Variants in KCNK2 observed in about 807,000 individuals in gnomAD.
KCNK2 encodes the protein potassium two pore domain channel subfamily K member 2, also known as potassium channel subfamily K member 2.
In KCNK2, 21 loss-of-function variants were observed where a neutral mutation model predicts 40.5. The observed-to-expected ratio is 0.52, with a 90% CI of 0.37 to 0.75. KCNK2 has a LOEUF of 0.75. Ranked by LOEUF, KCNK2 falls within the 30% of genes least tolerant of loss-of-function variation. The pLI is 0.00. For synonymous variants in KCNK2, 191 were observed against 202.2 expected (o/e 0.94, Z 0.47); for missense variants, 399 against 531.6 (o/e 0.75, Z 2.45).
Position 215,087,512 on chromosome 1 carries a change from G to A in KCNK2, c.357+834G>A, listed in dbSNP as rs575587890. 2.6e-5 allele frequency among the ~76,000 whole-genome samples: 4 copies of A among 152,246 alleles called. No individual in the cohort carries two copies. In the East Asian group the frequency reaches 7.7e-4, roughly 29 times the overall value. ...TTTCTTTTGCATAAAACAATTCATT[G>A]GTCAAATCGGGATCTTAGTGAAGAA... On this transcript the variant is annotated intron_variant, in intron 2 of 6. Coordinates refer to ENST00000444842, the MANE Select transcript of KCNK2 (RefSeq NM_001017425.3).
intron 1 of KCNK2, among the ~76,000 whole-genome samples, chr1:215,013,249 T>C (rs1431955632): frequency 6.6e-6 from 1 of 152,212 alleles, no homozygotes; most frequent in Non-Finnish European, 1.5e-5. Flanking sequence ...ATTATCCTTT[T>C]TGTATCAAAT....
intron 1 of KCNK2, among the ~76,000 whole-genome samples, chr1:215,056,520 A>AAAG (rs543626040): frequency 3.6e-5 from 5 of 138,486 alleles, no homozygotes; most frequent in South Asian, 2.2e-4. Context: ...AAAAAAAAAA[A>AAAG]AAGAAGAAGA....
chr1:215,083,194 T>TCCCCCCCTCCG lies in KCNK2; in HGVS notation c.-185_-184insTCCGCCCCCCC. 2.0e-6 allele frequency: 1 copy of TCCCCCCCTCCG among 501,814 alleles called. No individual in the cohort carries two copies. Among genetic ancestry groups the TCCCCCCCTCCG allele is most frequent in the Non-Finnish European group, 3.3e-6 (1 of 301,554 alleles). The allele number at this position is 501,814 out of a possible 1,614,324, so 31.1% of individuals were successfully genotyped here. On this transcript the variant is annotated 5_prime_UTR_variant, in exon 1 of 7. Transcript: ENST00000444842. ...CCCGCGATTTCGTTTCTTCTCACGC[T>TCCCCCCCTCCG]CCCCCCCCCGCCCCCTCCCGCGTCC...
At chr1:215,209,423 A>AAC (rs1665494971) in intron 6 of KCNK2, among the ~76,000 whole-genome samples, 4 of 47,704 alleles carry the variant, frequency 8.4e-5, no homozygotes, top group Middle Eastern at 0.02. Context: ...ATTATATATA[A>AAC]TATATATAAT....
upstream of KCNK2, among the ~76,000 whole-genome samples, chr1:215,077,789 C>A (rs535726618): frequency 6.6e-6 from 1 of 152,184 alleles, no homozygotes; most frequent in African/African-American, 2.4e-5. Context: ...CCCTTTCCAC[C>A]CTTGCTCATC....
At chr1:215,134,285 C>T (rs1473747896) in intron 3 of KCNK2, among the ~76,000 whole-genome samples, 1 of 152,134 alleles carries the variant, frequency 6.6e-6, no homozygotes, top group Non-Finnish European at 1.5e-5. Context: ...GTGAAGGGCT[C>T]AGTCCCGCAA....
intron 1 of KCNK2, among the ~76,000 whole-genome samples, chr1:215,010,485 T>G (rs1486918359): frequency 6.6e-6 from 1 of 152,176 alleles, no homozygotes; most frequent in Admixed American, 6.5e-5. Flanking sequence ...TGTGCATAGC[T>G]CAGACTGTGT....
intron 1 of KCNK2, among the ~76,000 whole-genome samples, chr1:215,063,903 CA>C (rs1402943140): frequency 6.6e-6 from 1 of 152,148 alleles, no homozygotes; most frequent in African/African-American, 2.4e-5. Flanking sequence ...CCAAAATTAA[CA>C]GCTGGTTAGA....
At chr1:215,164,195 G>A (rs1663336499) in intron 3 of KCNK2, among the ~76,000 whole-genome samples, 1 of 152,186 alleles carries the variant, frequency 6.6e-6, no homozygotes, top group South Asian at 2.1e-4. Flanking sequence ...AGATCTTCTA[G>A]TGTATTTGCG....
At chr1:215,069,809 A>G (rs1043735365) in intron 1 of KCNK2, among the ~76,000 whole-genome samples, 3 of 152,204 alleles carry the variant, frequency 2.0e-5, no homozygotes, top group African/African-American at 7.2e-5. Context: ...TTGTAACAGA[A>G]TTACTTGGGA....
chr1:215,026,313 T>C (rs1167460744), intron 1 of KCNK2, among the ~76,000 whole-genome samples: 2 of 152,070 alleles, frequency 1.3e-5, no homozygotes, highest in African/African-American at 2.4e-5. Flanking sequence ...TTACTGTCTT[T>C]ATTAATAGTA....
intron 1 of KCNK2, among the ~76,000 whole-genome samples, chr1:215,075,470 C>T (rs1453871534): frequency 6.6e-6 from 1 of 152,134 alleles, no homozygotes; most frequent in Non-Finnish European, 1.5e-5. Flanking sequence ...TCATTCTTTC[C>T]TTAGTATGTT....
chr1:215,209,490 T>TATATATTATATATAATAC (rs1665526473), intron 6 of KCNK2, among the ~76,000 whole-genome samples: 1 of 3,092 alleles, frequency 3.2e-4, no homozygotes, highest in Admixed American at 6.3e-3. Context: ...ATATAATACA[T>TATATATTATATATAATAC]ATATATAATA....
intron 1 of KCNK2, among the ~76,000 whole-genome samples, chr1:215,069,379 G>T (rs981754303): frequency 6.6e-6 from 1 of 152,150 alleles, no homozygotes; most frequent in Non-Finnish European, 1.5e-5. Context: ...TCCTTCTTTT[G>T]CAACCTGAAT....
At chr1:215,084,759 C>A (rs1404016724) in intron 1 of KCNK2, among the ~76,000 whole-genome samples, 10 of 152,104 alleles carry the variant, frequency 6.6e-5, no homozygotes, top group Non-Finnish European at 1.5e-5. Context: ...GTAGGTTGAA[C>A]CTTAGGAAAT....
chr1:215,073,172 C>T (rs990396427), intron 1 of KCNK2, among the ~76,000 whole-genome samples: 4 of 152,002 alleles, frequency 2.6e-5, no homozygotes, highest in African/African-American at 9.7e-5. Context: ...GCCCCAGAAC[C>T]CAAAAGAAGC....
chr1:215,202,606 C>A (rs888148270), intron 6 of KCNK2, among the ~76,000 whole-genome samples: 5 of 152,130 alleles, frequency 3.3e-5, no homozygotes, highest in African/African-American at 1.2e-4. Context: ...GTGCTTCTAA[C>A]TTCAGGAAGG....
chr1:215,214,963 CT>C (rs1344948740), intron 6 of KCNK2, among the ~76,000 whole-genome samples: 1 of 152,192 alleles, frequency 6.6e-6, no homozygotes, highest in African/African-American at 2.4e-5. Flanking sequence ...CTCCTGCTTT[CT>C]CTTTCTCTGG....
At chr1:215,095,977 A>G (rs1325313198) in intron 2 of KCNK2, among the ~76,000 whole-genome samples, 1 of 152,110 alleles carries the variant, frequency 6.6e-6, no homozygotes, top group Non-Finnish European at 1.5e-5. Context: ...GGTGAGGTAA[A>G]TCAGGGAAGG....
Sources: allele counts gnomAD v4.1 joint callset (sites outside exome capture counted in the v4.1 genomes callset), GRCh38; gene constraint gnomAD v4.1.1; transcripts MANE v1.5; gene names NCBI Gene and HGNC (gene_info 2026-07-23, HGNC 2026-07-21).